SBF2: variants seen among roughly 807,000 people sequenced by gnomAD.
SBF2 encodes myotubularin-related protein 13.
SBF2 carries 112 observed loss-of-function variants against 225.2 expected under a neutral mutation model. The ratio of observed to expected loss-of-function variants is 0.50; its 90% confidence interval spans 0.43 to 0.58. SBF2 has a LOEUF of 0.58. SBF2 is among the 20% of genes least tolerant of loss of function. The pLI is 0.00. For synonymous variants in SBF2, 763 were observed against 773.3 expected (o/e 0.99, Z 0.22); for missense variants, 1,996 against 2,206.2 (o/e 0.90, Z 1.91).
At chr11:10,287,239 G>A (rs763273729) in intron 1 of SBF2, among the ~76,000 whole-genome samples, 3 of 152,328 alleles carry the variant, frequency 2.0e-5, no homozygotes, top group South Asian at 2.1e-4. Flanking sequence ...AAAGAGGCAT[G>A]AGAGAACTTT....
At chr11:9,878,637 C>T (rs1406213978) in intron 17 of SBF2, among the ~76,000 whole-genome samples, 1 of 152,272 alleles carries the variant, frequency 6.6e-6, no homozygotes, top group South Asian at 2.1e-4. Flanking sequence ...TAGGTTAAAG[C>T]ATCTTAAATA....
intron 3 of SBF2, among the ~76,000 whole-genome samples, chr11:10,042,390 T>C (rs1949686419): frequency 6.6e-6 from 1 of 152,196 alleles, no homozygotes; most frequent in African/African-American, 2.4e-5. Context: ...AGCTTATGAA[T>C]TTCTGCCTGA....
chr11:10,257,203 T>C (rs917691735), intron 1 of SBF2, among the ~76,000 whole-genome samples: 1 of 152,172 alleles, frequency 6.6e-6, no homozygotes. Context: ...AATTATCCCA[T>C]ACTGTCAATG....
At chr11:10,071,306 A>C (rs1590887793) in intron 2 of SBF2, among the ~76,000 whole-genome samples, 1 of 121,494 alleles carries the variant, frequency 8.2e-6, no homozygotes, top group South Asian at 2.5e-4. Flanking sequence ...TCACTCTGTC[A>C]CCCAGGCTGG....
intron 2 of SBF2, among the ~76,000 whole-genome samples, chr11:10,143,386 G>A (rs1228529371): frequency 6.6e-6 from 1 of 152,090 alleles, no homozygotes; most frequent in African/African-American, 2.4e-5. Flanking sequence ...TGGTCAGGCT[G>A]GTCTCGAACT....
chr11:10,249,050 C>T (rs1312203015), intron 1 of SBF2, among the ~76,000 whole-genome samples: 1 of 151,546 alleles, frequency 6.6e-6, no homozygotes, highest in Non-Finnish European at 1.5e-5. Flanking sequence ...GAGCCGAGAT[C>T]GTGTCACTGC....
At chr11:10,158,208 T>C (rs1390206348) in intron 2 of SBF2, among the ~76,000 whole-genome samples, 2 of 152,078 alleles carry the variant, frequency 1.3e-5, no homozygotes, top group Admixed American at 6.5e-5. Context: ...GGAAAGTTTA[T>C]AGTAATAAAT....
intron 2 of SBF2, among the ~76,000 whole-genome samples, chr11:10,096,275 C>T (rs1371617119): frequency 6.6e-6 from 1 of 152,034 alleles, no homozygotes; most frequent in African/African-American, 2.4e-5. Context: ...AAAATCAAAA[C>T]TACCTACACA....
At chr11:9,959,059 G>A in intron 16 of SBF2, 1 of 1,501,282 alleles carries the variant, frequency 6.7e-7, no homozygotes, top group Non-Finnish European at 9.1e-7. Context: ...ATGGCAGCCT[G>A]CACCATTCCA....
In SBF2 at chr11:10,115,891, G is replaced by C. The variant is rs142946692; in HGVS notation, c.142-72910C>G. ...TAAAATATTTGTTTATCTGGGCCAG[G>C]TGCGGTGGCTCATGCCTGTAATCCT... On this transcript the variant is annotated intron_variant, in intron 2 of 39. Coordinates refer to ENST00000256190, the MANE Select transcript of SBF2 (RefSeq NM_030962.4). 2.5e-3 allele frequency among the ~76,000 whole-genome samples: 381 copies of C among 152,274 alleles called. 4 individuals carry two copies. Among genetic ancestry groups the C allele is most frequent in the African/African-American group, 8.8e-3 (364 of 41,566 alleles).
intron 6 of SBF2, among the ~76,000 whole-genome samples, chr11:10,020,222 C>A (rs551534383): frequency 6.6e-6 from 1 of 152,040 alleles, no homozygotes; most frequent in East Asian, 1.9e-4. Flanking sequence ...AGTGAGCTCA[C>A]GCAGGTGCAG....
chr11:10,276,217 C>A (rs984505404), intron 1 of SBF2, among the ~76,000 whole-genome samples: 7 of 152,168 alleles, frequency 4.6e-5, no homozygotes, highest in Admixed American at 4.6e-4. Flanking sequence ...TTCCTGACTA[C>A]CAAAGTTTCC....
intron 27 of SBF2, 31 bp downstream of exon 27, chr11:9,832,193 G>A (rs748628052): frequency 3.2e-6 from 5 of 1,576,950 alleles, no homozygotes; most frequent in South Asian, 2.2e-5. Flanking sequence ...TATGTGAACG[G>A]GTGGTAATTG....
intron 1 of SBF2, among the ~76,000 whole-genome samples, chr11:10,239,716 C>G (rs1959181978): frequency 7.3e-6 from 1 of 136,844 alleles, no homozygotes; most frequent in Non-Finnish European, 1.7e-5. Context: ...TACAAAAGAC[C>G]GTGACGTCAC....
At chr11:9,804,546 T>A (rs1012339489) in intron 32 of SBF2, among the ~76,000 whole-genome samples, 1 of 152,232 alleles carries the variant, frequency 6.6e-6, no homozygotes, top group Non-Finnish European at 1.5e-5. Context: ...ACAATCATGA[T>A]ACAGAACAGT....
intron 2 of SBF2, among the ~76,000 whole-genome samples, chr11:10,162,283 A>T (rs2278628): frequency 0.096 from 14,597 of 152,026 alleles, 965 homozygotes; most frequent in East Asian, 0.28. Context: ...GTTGAATATA[A>T]GCCTCAGTGG....
intron 2 of SBF2, among the ~76,000 whole-genome samples, chr11:10,086,158 A>G (rs961476947): frequency 6.6e-6 from 1 of 151,608 alleles, no homozygotes; most frequent in Non-Finnish European, 1.5e-5. Flanking sequence ...TCTTCTTTAT[A>G]CAATTTCTGT....
chr11:10,300,106 C>A (rs1224813447), intron 1 of SBF2, among the ~76,000 whole-genome samples: 1 of 152,118 alleles, frequency 6.6e-6, no homozygotes, highest in East Asian at 1.9e-4. Flanking sequence ...TCCTCCATTT[C>A]GAATATTAGA....
chr11:9,845,850 G>C, intron 23 of SBF2, 110 bp from the exon 24 acceptor site: 3 of 966,918 alleles, frequency 3.1e-6, no homozygotes, highest in Non-Finnish European at 1.7e-6. Context: ...AGGTCAAAGG[G>C]ACTTTGGATA....
Sources: gnomAD v4.1 joint callset for allele counts (sites outside exome capture counted in the v4.1 genomes callset) on GRCh38, gnomAD v4.1.1 for gene constraint, MANE v1.5 for transcripts, NCBI Gene and HGNC (gene_info 2026-07-23, HGNC 2026-07-21) for gene names.